DLGAP2: variants seen among roughly 807,000 people sequenced by gnomAD.
DLGAP2 encodes the protein disks large-associated protein 2.
Under a neutral mutation model 100.3 loss-of-function variants are expected in DLGAP2, and 26 were observed. That is an observed-to-expected ratio of 0.26 (90% CI 0.19 to 0.36). The LOEUF is 0.36. Ranked by LOEUF, DLGAP2 falls within the 10% of genes least tolerant of loss-of-function variation. The probability of loss-of-function intolerance (pLI) is 1.00; values close to 1 mark genes in which losing one functional copy is unlikely to be tolerated. For missense variants in DLGAP2, 1,858 were observed against 1,453.2 expected (o/e 1.28, Z -4.53); for synonymous variants, 886 against 630.1 (o/e 1.41, Z -6.08).
chr8:1,417,225 C>A (rs956935621), intron 3 of DLGAP2, among the ~76,000 whole-genome samples: 9 of 82,476 alleles, frequency 1.1e-4, no homozygotes, highest in African/African-American at 5.7e-4. Context: ...AGACCAGCGT[C>A]CGTTTGGCGT....
chr8:797,592 G>T (rs1334735156), intron 1 of DLGAP2, among the ~76,000 whole-genome samples: 1 of 152,172 alleles, frequency 6.6e-6, no homozygotes, highest in Admixed American at 6.5e-5. Context: ...GGCCATAGAT[G>T]TCAATGTGAG....
chr8:743,062 T>C (rs1820525097), intron 1 of DLGAP2, among the ~76,000 whole-genome samples: 1 of 152,208 alleles, frequency 6.6e-6, no homozygotes, highest in Non-Finnish European at 1.5e-5. Flanking sequence ...TCAAAACTGT[T>C]TTATTTATTA....
chr8:910,981 C>T (rs187059124), intron 2 of DLGAP2, among the ~76,000 whole-genome samples: 2 of 152,236 alleles, frequency 1.3e-5, no homozygotes, highest in East Asian at 1.9e-4. Flanking sequence ...AGGCATCGTG[C>T]AGTTAAAATA....
At chr8:1,554,304 T>TAAA (rs1801882046) in intron 5 of DLGAP2, among the ~76,000 whole-genome samples, 1 of 150,358 alleles carries the variant, frequency 6.7e-6, no homozygotes, top group Non-Finnish European at 1.5e-5. Context: ...AATAAATTAA[T>TAAA]TAAATAAATA....
Position 850,327 on chromosome 8 carries a change from C to A in DLGAP2, c.19-57585C>A, listed in dbSNP as rs186744684. The stretch of plus-strand genomic sequence containing the variant: ...ATCTCAAAGCAATTTTTTGAACCTT[C>A]CACCTGTTGCTACAAGTTAAAAGTT... On this transcript the variant is annotated intron_variant, in intron 1 of 14. Transcript: ENST00000637795. Among the ~76,000 whole-genome samples the A allele has an allele frequency of 8.5e-5, 13 of 152,246 alleles. No homozygotes were observed. In the East Asian group the frequency reaches 2.5e-3, roughly 29 times the overall value.
chr8:1,193,886 C>T (rs1231366234), intron 2 of DLGAP2, among the ~76,000 whole-genome samples: 2 of 152,130 alleles, frequency 1.3e-5, no homozygotes, highest in Admixed American at 6.5e-5. Flanking sequence ...GCGCCGCCCC[C>T]GCCTCCTGTC....
At chr8:782,168 C>A (rs551316718) in intron 1 of DLGAP2, among the ~76,000 whole-genome samples, 1 of 151,770 alleles carries the variant, frequency 6.6e-6, no homozygotes, top group South Asian at 2.1e-4. Flanking sequence ...TTATTGTGTG[C>A]ACCTCCCAGA....
In DLGAP2 at chr8:997,017, C is replaced by T. The variant is rs1800801272; in HGVS notation, c.73+89051C>T. Among the ~76,000 whole-genome samples the T allele has an allele frequency of 1.3e-5, 2 of 152,090 alleles. 1 individual carries two copies. The highest frequency in any genetic ancestry group is 4.1e-4 in the South Asian group (2 of 4,824). ...GTGGACAACAATGTATGATGGAAGG[C>T]ATTGATTGCTGTGTTTTTCAGCAGT... is the stretch of plus-strand genomic sequence containing the variant. On this transcript the variant is annotated intron_variant, in intron 2 of 14. Coordinates refer to ENST00000637795, the MANE Select transcript of DLGAP2 (RefSeq NM_001346810.2).
chr8:982,870 T>A (rs1800376328), intron 2 of DLGAP2, among the ~76,000 whole-genome samples: 1 of 148,090 alleles, frequency 6.8e-6, no homozygotes, highest in Admixed American at 7.2e-5. Flanking sequence ...ACTCTAGGAA[T>A]TTTAAAGGTA....
chr8:1,087,312 G>T (rs1804007284), intron 2 of DLGAP2, among the ~76,000 whole-genome samples: 1 of 152,016 alleles, frequency 6.6e-6, no homozygotes, highest in Non-Finnish European at 1.5e-5. Context: ...AGTATGCCCA[G>T]ACTCTTTCCC....
chr8:1,302,951 C>A (rs1800394630), intron 3 of DLGAP2, among the ~76,000 whole-genome samples: 1 of 152,220 alleles, frequency 6.6e-6, no homozygotes, highest in South Asian at 2.1e-4. Context: ...CATGCACGTC[C>A]TTGGAGATTC....
intron 14 of DLGAP2, among the ~76,000 whole-genome samples, chr8:1,700,548 G>A (rs988932202): frequency 2.6e-5 from 4 of 152,208 alleles, no homozygotes; most frequent in African/African-American, 4.8e-5. Flanking sequence ...TATCTAAAAC[G>A]GCATACACGT....
At chr8:899,803 A>T (rs766057229) in intron 1 of DLGAP2, among the ~76,000 whole-genome samples, 1 of 152,220 alleles carries the variant, frequency 6.6e-6, no homozygotes, top group Non-Finnish European at 1.5e-5. Context: ...TCTCAGGCTC[A>T]TGTGGCTGGA....
intron 1 of DLGAP2, among the ~76,000 whole-genome samples, chr8:782,862 T>A (rs1821735174): frequency 6.6e-6 from 1 of 152,186 alleles, no homozygotes; most frequent in Non-Finnish European, 1.5e-5. Flanking sequence ...TGCTGTGTCC[T>A]CAGTTGTCAG....
chr8:1,195,777 G>T (rs1797736984), intron 2 of DLGAP2, among the ~76,000 whole-genome samples: 1 of 152,220 alleles, frequency 6.6e-6, no homozygotes, highest in Non-Finnish European at 1.5e-5. Flanking sequence ...TCACCCAGGA[G>T]CTGACCGTGT....
At chr8:1,196,435 G>A (rs540674315) in intron 2 of DLGAP2, among the ~76,000 whole-genome samples, 3 of 152,312 alleles carry the variant, frequency 2.0e-5, no homozygotes, top group South Asian at 2.1e-4. Flanking sequence ...TGCTGAGTGA[G>A]TGAACGAGAC....
At chr8:1,184,620 C>T (rs528435277) in intron 2 of DLGAP2, among the ~76,000 whole-genome samples, 1 of 152,178 alleles carries the variant, frequency 6.6e-6, no homozygotes, top group Non-Finnish European at 1.5e-5. Context: ...GATGCCGAGC[C>T]TGGGGCTGGA....
At chr8:1,062,525 C>T (rs2129035412) in intron 2 of DLGAP2, among the ~76,000 whole-genome samples, 1 of 152,330 alleles carries the variant, frequency 6.6e-6, no homozygotes, top group East Asian at 1.9e-4. Context: ...CTTTCTGTAC[C>T]TGGAACGTCC....
chr8:1,644,113 G>C (rs1187667842), intron 8 of DLGAP2, among the ~76,000 whole-genome samples: 1 of 140,458 alleles, frequency 7.1e-6, no homozygotes, highest in Non-Finnish European at 1.5e-5. Context: ...CCTCGACCCC[G>C]CCGGCCCTCA....
Sources: gnomAD v4.1 joint callset for allele counts (sites outside exome capture counted in the v4.1 genomes callset) on GRCh38, gnomAD v4.1.1 for gene constraint, MANE v1.5 for transcripts, NCBI Gene and HGNC (gene_info 2026-07-23, HGNC 2026-07-21) for gene names.